Variants in DCPS observed in about 807,000 individuals in gnomAD.
The protein encoded by DCPS is m7GpppX diphosphatase.
DCPS carries 27 observed loss-of-function variants against 34.7 expected under a neutral mutation model. The ratio of observed to expected loss-of-function variants is 0.78; its 90% CI spans 0.57 to 1.07. The LOEUF (loss-of-function observed/expected upper bound fraction) is 1.07. DCPS is among the 50% of genes least tolerant of loss of function. The pLI, the probability that DCPS is intolerant of heterozygous loss-of-function variation, is 0.00. For synonymous variants in DCPS, 185 were observed against 185.7 expected (o/e 1.00, Z 0.03); for missense variants, 464 against 436.9 (o/e 1.06, Z -0.55).
In DCPS at chr11:126,337,342, G is replaced by A. The variant is rs1488941721; in HGVS notation, c.523-944G>A. 2.0e-5 allele frequency: 3 copies of A among 152,442 alleles called. No individual in the cohort carries two copies. Among genetic ancestry groups the A allele is most frequent in the Non-Finnish European group, 4.4e-5 (3 of 68,256 alleles). 9.4% of individuals were successfully genotyped at this position (152,442 alleles called of 1,614,324 possible). A position where few individuals can be genotyped will look rare whatever the true frequency, so the allele number is the denominator to read the frequency against. On this transcript the variant is annotated intron_variant, in intron 3 of 5. Coordinates refer to ENST00000263579, the MANE Select transcript of DCPS (RefSeq NM_014026.6). This position sits in a 1 kb window ranked among gnomAD's most constrained non-coding sequence, Gnocchi z 5.3. ...AGTTCACTGTCCTGCATGAGTTCAT[G>A]TTTGCAAAGGGCCCTGAGAGCCGGG...
Position 126,329,550 on chromosome 11 carries a change from C to T in DCPS, c.377-1855C>T, listed in dbSNP as rs999496647. Among the ~76,000 whole-genome samples the T allele has an allele frequency of 6.6e-6, 1 of 152,186 alleles. No individual in the cohort carries two copies. The highest frequency in any genetic ancestry group is 2.1e-4 in the South Asian group (1 of 4,830). On this transcript the variant is annotated intron_variant, in intron 2 of 5. Transcript: ENST00000263579. The surrounding 1 kb of genome is among the most constrained non-coding windows in gnomAD (Gnocchi z 5.0). Reference sequence around the variant, plus strand: ...TGAGGGCCTGGGATGTTTGATGGGACAGAAGCCACGTGCCTGGTATGTCAT... The same window carrying T: ...TGAGGGCCTGGGATGTTTGATGGGATAGAAGCCACGTGCCTGGTATGTCAT...
At chr11:126,324,557 G>C (rs1410330198) in intron 2 of DCPS, among the ~76,000 whole-genome samples, 2 of 150,386 alleles carry the variant, frequency 1.3e-5, no homozygotes, top group Non-Finnish European at 2.9e-5. Flanking sequence ...CAGCTCAAGG[G>C]ATCTCCCACT....
intron 2 of DCPS, among the ~76,000 whole-genome samples, chr11:126,330,407 G>A (rs185101514): frequency 1.3e-5 from 2 of 152,216 alleles, no homozygotes; most frequent in South Asian, 2.1e-4. Context: ...TGTTTACTGT[G>A]TGCCAGACAT....
rs955242335 is a variant in DCPS at position 126,329,818 on chromosome 11, G to A, written c.377-1587G>A. Among the ~76,000 whole-genome samples, 1 of 152,268 alleles carries A rather than the reference G, an allele frequency of 6.6e-6. No homozygotes were observed. The highest frequency in any genetic ancestry group is 2.4e-5 in the African/African-American group (1 of 41,552). ...AAGTATAGGTTGATAGTTCTTAGCC[G>A]GGTTTTGCGGTGTGTGAGTGAGTAT... is the stretch of plus-strand genomic sequence containing the variant. On this transcript the variant is annotated intron_variant, in intron 2 of 5. Coordinates refer to ENST00000263579, the MANE Select transcript of DCPS (RefSeq NM_014026.6). This position sits in a 1 kb window ranked among gnomAD's most constrained non-coding sequence, Gnocchi z 5.0.
chr11:126,347,303 A>G lies in DCPS; in HGVS notation c.*1690A>G, dbSNP rs1565382639. ...CAGTGGCACAATCTCGACTCACTGC[A>G]ACCTCTGCCTCCTGGGTTCAAGTGA... On this transcript the variant is annotated 3_prime_UTR_variant, in exon 6 of 6. Transcript: ENST00000263579. This position sits in a 1 kb window ranked among gnomAD's most constrained non-coding sequence, Gnocchi z 4.2. Among the ~76,000 whole-genome samples, 2 of 149,124 alleles carry G rather than the reference A, an allele frequency of 1.3e-5. No individual in the cohort carries two copies. The highest frequency in any genetic ancestry group is 2.5e-5 in the African/African-American group (1 of 40,296).
Position 126,329,037 on chromosome 11 carries a change from T to C in DCPS, c.377-2368T>C, listed in dbSNP as rs1342910126. Among the ~76,000 whole-genome samples the C allele has an allele frequency of 6.6e-6, 1 of 152,080 alleles. No homozygotes were observed. The highest frequency in any genetic ancestry group is 2.4e-5 in the African/African-American group (1 of 41,404). ...ACTGGCTCCAAAATCTCTGTTCTCA[T>C]CCACCAAGCTCCACTGCAGATGTAT... On this transcript the variant is annotated intron_variant, in intron 2 of 5. Transcript: ENST00000263579. The surrounding 1 kb of genome is among the most constrained non-coding windows in gnomAD (Gnocchi z 5.0).
At chr11:126,343,934 C>CG (rs1565381131) in intron 5 of DCPS, among the ~76,000 whole-genome samples, 1 of 152,102 alleles carries the variant, frequency 6.6e-6, no homozygotes, top group African/African-American at 2.4e-5. Flanking sequence ...CCCAGGAGCA[C>CG]GGGGAGATGG....
At chr11:126,340,896 T>A (rs1396864462) in intron 4 of DCPS, 1 of 152,230 alleles carries the variant, frequency 6.6e-6, no homozygotes, top group East Asian at 1.9e-4. Flanking sequence ...TTCTTTTTTT[T>A]TATTTGTTTA....
intron 2 of DCPS, among the ~76,000 whole-genome samples, chr11:126,311,863 C>T (rs1951620441): frequency 6.6e-6 from 1 of 152,200 alleles, no homozygotes; most frequent in Admixed American, 6.5e-5. Flanking sequence ...AGATATGTTT[C>T]ACATTATGGT....
intron 2 of DCPS, among the ~76,000 whole-genome samples, chr11:126,330,719 A>ATTTTTTTTTTT (rs1167717646): frequency 1.1e-4 from 2 of 18,884 alleles, no homozygotes; most frequent in Non-Finnish European, 1.8e-4. Context: ...ATATATATAT[A>ATTTTTTTTTTT]TTTTTTTTTT....
chr11:126,317,584 C>G (rs1046876620), intron 2 of DCPS, among the ~76,000 whole-genome samples: 1 of 152,164 alleles, frequency 6.6e-6, no homozygotes, highest in African/African-American at 2.4e-5. Flanking sequence ...CATGAGTTCA[C>G]TCATATTTCA....
Position 126,335,881 on chromosome 11 carries a change from C to T in DCPS, c.523-2405C>T, listed in dbSNP as rs6590197. ...TGGAGGTTGCAGTGAGCTGAGATCA[C>T]GCCATTGCATTCCAGCCAAGTGTGA... On this transcript the variant is annotated intron_variant, in intron 3 of 5. Coordinates refer to ENST00000263579, the MANE Select transcript of DCPS (RefSeq NM_014026.6). This position sits in a 1 kb window ranked among gnomAD's most constrained non-coding sequence, Gnocchi z 4.8. Among the ~76,000 whole-genome samples the T allele has an allele frequency of 0.24, 35,867 of 151,954 alleles. 4,883 individuals are homozygous for T. The highest frequency in any genetic ancestry group is 0.36 in the African/African-American group (15,090 of 41,404).
rs112429592 is a variant in DCPS, at chr11:126,304,385, A to G, written c.201+104A>G. On this transcript the variant is annotated intron_variant, in intron 1 of 5. Transcript: ENST00000263579. ...GGATCTCGGCTGGAAAATACCAATC[A>G]TTATCACTCCGGGGAGGCGGGAGTG... 7 of 1,335,000 alleles carry G rather than the reference A, an allele frequency of 5.2e-6. No individual in the cohort carries two copies. The African/African-American group carries it at 7.2e-5, about 14-fold the overall frequency. 82.7% of individuals were successfully genotyped at this position (1,335,000 alleles called of 1,614,324 possible). A position where few individuals can be genotyped will look rare whatever the true frequency, so the allele number is the denominator to read the frequency against.
rs1210656962 is a variant in DCPS, at chr11:126,343,373, C to T, written c.703C>T (p.Pro235Ser). The T allele has an allele frequency of 1.9e-6, 3 of 1,614,022 alleles. No homozygotes were observed. In the East Asian group the frequency reaches 6.7e-5, roughly 36 times the overall value. The change falls in exon 5 of 6, where the codon CCG becomes TCG. Residue 235 changes from proline to serine, a missense_variant. Coordinates refer to ENST00000263579, the MANE Select transcript of DCPS (RefSeq NM_014026.6). Reference protein sequence around the residue: ...RGIRSLRDLTPEHLPLLRNIL... With the variant: ...RGIRSLRDLTSEHLPLLRNIL... ...CATCAGATCCCTACGCGACCTTACT[C>T]CGGAGCACTTGCCGCTGCTCAGGAA...
Position 126,345,416 on chromosome 11 carries a change from T to A in DCPS, c.817T>A (p.Tyr273Asn). The A allele has an allele frequency of 2.5e-6, 4 of 1,614,174 alleles. No homozygotes were observed. The highest frequency in any genetic ancestry group is 3.4e-6 in the Non-Finnish European group (4 of 1,180,022). The change falls in exon 6 of 6, where the codon TAC (tyrosine) becomes AAC (asparagine). Residue 273 changes from tyrosine to asparagine, a missense_variant. By Grantham distance (143) the Tyr-to-Asn change is moderately radical (BLOSUM62 -2). Coordinates refer to ENST00000263579, the MANE Select transcript of DCPS (RefSeq NM_014026.6). The surrounding 1 kb of genome is among the most constrained non-coding windows in gnomAD (Gnocchi z 7.4). ...LRVYLHYLPS[Y>N]YHLHVHFTAL... ...AGTATACCTGCACTACCTGCCCTCC[T>A]ACTACCACCTGCATGTGCACTTCAC...
chr11:126,318,298 T>A (rs1417216275), intron 2 of DCPS, among the ~76,000 whole-genome samples: 1 of 152,050 alleles, frequency 6.6e-6, no homozygotes, highest in Non-Finnish European at 1.5e-5. Context: ...GATGTGGAGG[T>A]CTCTTCGGGC....
chr11:126,306,532 T>C (rs776377408), intron 1 of DCPS, 38 bp from the exon 2 acceptor site: 2 of 1,555,418 alleles, frequency 1.3e-6, no homozygotes, highest in African/African-American at 2.7e-5. Flanking sequence ...TCATCGTGGT[T>C]CTGCCCTTGA....
intron 1 of DCPS, among the ~76,000 whole-genome samples, chr11:126,305,437 T>TTTTTTTTA (rs1951556086): frequency 7.4e-6 from 1 of 135,622 alleles, no homozygotes; most frequent in Non-Finnish European, 1.6e-5. Flanking sequence ...TTTTTTTTTT[T>TTTTTTTTA]GAGATGGAGT....
rs555616077 is a variant in DCPS, at chr11:126,327,855, C to T, written c.377-3550C>T. Among the ~76,000 whole-genome samples, 68 of 152,354 alleles carry T rather than the reference C, an allele frequency of 4.5e-4. No individual in the cohort carries two copies. Among genetic ancestry groups the T allele is most frequent in the South Asian group, 1.4e-3 (7 of 4,830 alleles). The stretch of plus-strand genomic sequence containing the variant: ...GGTGCTGGGGACAAATTGTTTTCTT[C>T]CGGAAGCTGCATAGTAGTTGGGGAG... On this transcript the variant is annotated intron_variant, in intron 2 of 5. Transcript: ENST00000263579. The surrounding 1 kb of genome is among the most constrained non-coding windows in gnomAD (Gnocchi z 4.1).
Sources: allele counts gnomAD v4.1 joint callset (sites outside exome capture counted in the v4.1 genomes callset), GRCh38; gene constraint gnomAD v4.1.1; non-coding constraint Gnocchi (gnomAD v3.1); transcripts MANE v1.5; gene names NCBI Gene and HGNC (gene_info 2026-07-23, HGNC 2026-07-21).